Variants in CNTNAP2 observed in about 807,000 individuals in gnomAD.
The protein encoded by CNTNAP2 is contactin-associated protein-like 2.
A neutral mutation model predicts 155.2 loss-of-function variants in CNTNAP2; 98 were observed. The ratio of observed to expected loss-of-function variants is 0.63; its 90% CI spans 0.54 to 0.75. The LOEUF is 0.75. CNTNAP2 is among the 30% of genes least tolerant of loss of function. The pLI is 0.00. For missense variants in CNTNAP2, 1,727 were observed against 1,688.1 expected, an observed-to-expected ratio of 1.02 and a Z score of -0.40; for synonymous variants, 651 against 631.2, an observed-to-expected ratio of 1.03 and a Z score of -0.47.
At chr7:146,519,194 T>A (rs1797582146) in intron 1 of CNTNAP2, among the ~76,000 whole-genome samples, 1 of 151,842 alleles carries the variant, frequency 6.6e-6, no homozygotes, top group South Asian at 2.1e-4. Context: ...GGCAGTTTGC[T>A]GTGAATTCTA....
chr7:147,732,771 A>G (rs1054236605), intron 13 of CNTNAP2, among the ~76,000 whole-genome samples: 19 of 152,096 alleles, frequency 1.2e-4, no homozygotes, highest in Non-Finnish European at 2.2e-4. Flanking sequence ...TTTGATTTGC[A>G]TTTCTCTGAT....
chr7:146,357,678 T>C (rs1397043642), intron 1 of CNTNAP2, among the ~76,000 whole-genome samples: 1 of 152,340 alleles, frequency 6.6e-6, no homozygotes, highest in African/African-American at 2.4e-5. Flanking sequence ...TAAAATATTC[T>C]GAAATTATAG....
At chr7:146,751,716 G>C (rs907773155) in intron 1 of CNTNAP2, among the ~76,000 whole-genome samples, 1 of 151,828 alleles carries the variant, frequency 6.6e-6, no homozygotes, top group Non-Finnish European at 1.5e-5. Flanking sequence ...CCATCAATCC[G>C]TCATGTAGGT....
chr7:146,598,829 A>C (rs1798903318), intron 1 of CNTNAP2, among the ~76,000 whole-genome samples: 1 of 152,074 alleles, frequency 6.6e-6, no homozygotes, highest in Non-Finnish European at 1.5e-5. Flanking sequence ...CTTTACTCAG[A>C]ACTGTTTCCC....
intron 1 of CNTNAP2, among the ~76,000 whole-genome samples, chr7:146,352,490 T>G (rs570022522): frequency 1.3e-5 from 2 of 152,192 alleles, no homozygotes; most frequent in South Asian, 4.1e-4. Context: ...GAAATAAGCC[T>G]AACAGTCATA....
intron 1 of CNTNAP2, among the ~76,000 whole-genome samples, chr7:146,314,763 G>A (rs149555430): frequency 1.1e-3 from 166 of 152,248 alleles, no homozygotes; most frequent in African/African-American, 3.8e-3. Context: ...TCAAGCTGGG[G>A]AAGAAGGTGC....
At chr7:148,328,036 C>G (rs1404830199) in intron 21 of CNTNAP2, among the ~76,000 whole-genome samples, 1 of 152,208 alleles carries the variant, frequency 6.6e-6, no homozygotes, top group East Asian at 1.9e-4. Context: ...ACCCTGACTT[C>G]CATCAGCATC....
intron 8 of CNTNAP2, among the ~76,000 whole-genome samples, chr7:147,259,233 G>A (rs1415048234): frequency 2.6e-5 from 4 of 152,174 alleles, no homozygotes; most frequent in South Asian, 4.1e-4. Context: ...TGTCAGAATA[G>A]TTTTGAGGAT....
chr7:148,210,685 A>G (rs2116745284), intron 18 of CNTNAP2, among the ~76,000 whole-genome samples: 1 of 152,350 alleles, frequency 6.6e-6, no homozygotes, highest in Middle Eastern at 3.4e-3. Flanking sequence ...CCTAGAAGTG[A>G]CCGGGCCTTT....
At chr7:146,447,133 A>G (rs1221217938) in intron 1 of CNTNAP2, among the ~76,000 whole-genome samples, 1 of 152,056 alleles carries the variant, frequency 6.6e-6, no homozygotes, top group African/African-American at 2.4e-5. Flanking sequence ...AGATTAATAT[A>G]CTTCTGCTAG....
At chr7:146,498,306 T>C (rs1272211860) in intron 1 of CNTNAP2, among the ~76,000 whole-genome samples, 1 of 152,160 alleles carries the variant, frequency 6.6e-6, no homozygotes, top group African/African-American at 2.4e-5. Context: ...TCCTTGGCCA[T>C]CTTCAATTAC....
intron 13 of CNTNAP2, among the ~76,000 whole-genome samples, chr7:147,872,149 A>G (rs1799338043): frequency 6.6e-6 from 1 of 152,190 alleles, no homozygotes; most frequent in Admixed American, 6.5e-5. Flanking sequence ...CAATTTACTG[A>G]AATAACATAT....
chr7:148,013,741 A>G (rs919855566), intron 15 of CNTNAP2, among the ~76,000 whole-genome samples: 2 of 152,202 alleles, frequency 1.3e-5, no homozygotes, highest in African/African-American at 4.8e-5. Context: ...AGGACTTGCT[A>G]TTGATTACGT....
chr7:147,520,913 C>T (rs935371420), intron 11 of CNTNAP2, among the ~76,000 whole-genome samples: 1 of 152,172 alleles, frequency 6.6e-6, no homozygotes, highest in African/African-American at 2.4e-5. Flanking sequence ...TGACTCTTCA[C>T]AGATTTCTGG....
At chr7:147,119,318 A>T (rs1310838296) in intron 5 of CNTNAP2, among the ~76,000 whole-genome samples, 1 of 152,148 alleles carries the variant, frequency 6.6e-6, no homozygotes, top group Non-Finnish European at 1.5e-5. Flanking sequence ...TACCAAAAAA[A>T]GTTTATTAGC....
intron 1 of CNTNAP2, among the ~76,000 whole-genome samples, chr7:146,290,230 T>C (rs946763077): frequency 1.3e-5 from 2 of 152,078 alleles, no homozygotes; most frequent in African/African-American, 4.8e-5. Context: ...GCCTGGGTAA[T>C]TTTTTATGGC....
chr7:146,276,429 A>G (rs923872514), intron 1 of CNTNAP2, among the ~76,000 whole-genome samples: 6 of 152,234 alleles, frequency 3.9e-5, no homozygotes, highest in African/African-American at 1.4e-4. Context: ...GTCATGTAGT[A>G]GGTACTAACA....
intron 13 of CNTNAP2, among the ~76,000 whole-genome samples, chr7:147,716,333 G>A (rs949471233): frequency 1.3e-5 from 2 of 152,086 alleles, no homozygotes; most frequent in African/African-American, 2.4e-5. Context: ...TACAGAGAAC[G>A]GTTCTGGAAA....
chr7:147,935,956 T>A (rs1054894403), intron 14 of CNTNAP2, among the ~76,000 whole-genome samples: 1 of 152,202 alleles, frequency 6.6e-6, no homozygotes, highest in African/African-American at 2.4e-5. Flanking sequence ...CTATAAACTC[T>A]TATATTCAGT....
Sources: allele counts gnomAD v4.1 joint callset (sites outside exome capture counted in the v4.1 genomes callset), GRCh38; gene constraint gnomAD v4.1.1; transcripts MANE v1.5; gene names NCBI Gene and HGNC (gene_info 2026-07-23, HGNC 2026-07-21).